The following LNX1 variants were observed in gnomAD, a reference collection of about 807,000 sequenced individuals.
The protein encoded by LNX1 is E3 ubiquitin-protein ligase LNX.
LNX1 carries 54 observed loss-of-function variants against 68.4 expected under a neutral mutation model. That is an observed-to-expected ratio of 0.79 (90% CI 0.63 to 0.99). The LOEUF (loss-of-function observed/expected upper bound fraction) is 0.99. Among genes scored for constraint, LNX1 ranks in the 50% least tolerant of loss-of-function variants. The pLI, the probability that LNX1 is intolerant of heterozygous loss-of-function variation, is 0.00. For synonymous variants in LNX1, 336 were observed against 350.0 expected (o/e 0.96, Z 0.45); for missense variants, 906 against 926.4 (o/e 0.98, Z 0.29).
chr4:53,514,243 T>C (rs954988094), intron 2 of LNX1, among the ~76,000 whole-genome samples: 20 of 152,242 alleles, frequency 1.3e-4, no homozygotes, highest in African/African-American at 4.1e-4. Flanking sequence ...CCAAAGACAA[T>C]GACTGGCATA....
chr4:53,466,031 T>C (rs184335894), intron 9 of LNX1, among the ~76,000 whole-genome samples: 1 of 152,336 alleles, frequency 6.6e-6, no homozygotes, highest in Non-Finnish European at 1.5e-5. Flanking sequence ...GTAAGAGGCA[T>C]TTATGATTCC....
chr4:53,553,520 C>T (rs1729663713), intron 2 of LNX1, among the ~76,000 whole-genome samples: 1 of 152,176 alleles, frequency 6.6e-6, no homozygotes, highest in Non-Finnish European at 1.5e-5. Flanking sequence ...CAAGTCTCTC[C>T]ACATGCAGGG....
intron 2 of LNX1, among the ~76,000 whole-genome samples, chr4:53,513,124 A>T (rs925570629): frequency 9.9e-5 from 15 of 151,878 alleles, no homozygotes; most frequent in African/African-American, 3.4e-4. Flanking sequence ...TTAACTCAAA[A>T]ACCGCCCAGG....
At chr4:53,498,397 A>G (rs1368608954) in intron 5 of LNX1, among the ~76,000 whole-genome samples, 1 of 152,200 alleles carries the variant, frequency 6.6e-6, no homozygotes, top group African/African-American at 2.4e-5. Flanking sequence ...AGACAAAATG[A>G]TATAGAGACA....
intron 2 of LNX1, among the ~76,000 whole-genome samples, chr4:53,597,985 A>C (rs1732829667): frequency 6.6e-6 from 1 of 152,162 alleles, no homozygotes. Context: ...CCTGGCAAAA[A>C]AATCCCATGA....
At chr4:53,597,862 C>T (rs1315689169) in intron 2 of LNX1, among the ~76,000 whole-genome samples, 2 of 152,212 alleles carry the variant, frequency 1.3e-5, no homozygotes, top group East Asian at 1.9e-4. Context: ...ACTCCCCAAA[C>T]CTGACTGTCT....
intron 2 of LNX1, among the ~76,000 whole-genome samples, chr4:53,555,025 CTG>C (rs1729804906): frequency 6.6e-6 from 1 of 152,082 alleles, no homozygotes; most frequent in Non-Finnish European, 1.5e-5. Context: ...CCAGGAGGGT[CTG>C]TGCATCTGGA....
intron 1 of LNX1, among the ~76,000 whole-genome samples, chr4:53,590,079 C>G (rs1397448816): frequency 3.3e-5 from 5 of 151,590 alleles, no homozygotes; most frequent in Admixed American, 6.6e-5. Flanking sequence ...GGCCAAACCC[C>G]CCCCCTTAAA....
At chr4:53,488,225 TAGCACTAATTTG>T (rs1724448748) in intron 6 of LNX1, among the ~76,000 whole-genome samples, 2 of 152,238 alleles carry the variant, frequency 1.3e-5, no homozygotes, top group Admixed American at 1.3e-4. Context: ...CATTTTTAGA[TAGCACTAATTTG>T]AATGTTTGTC....
chr4:53,639,907 C>A (rs1734614339), intron 1 of LNX1, among the ~76,000 whole-genome samples: 1 of 152,260 alleles, frequency 6.6e-6, no homozygotes, highest in African/African-American at 2.4e-5. Flanking sequence ...TTGGCGCATG[C>A]CTATAATCCC....
At chr4:53,595,237 TGTGTGTGGTGG>T (rs1732697548), upstream of LNX1, among the ~76,000 whole-genome samples, 7 of 151,834 alleles carry the variant, frequency 4.6e-5, no homozygotes, top group Admixed American at 4.6e-4. Context: ...GGGAGGAACA[TGTGTGTGGTGG>T]GGGAGAAGAG....
At chr4:53,487,129 C>T (rs1317647334) in intron 6 of LNX1, among the ~76,000 whole-genome samples, 1 of 151,584 alleles carries the variant, frequency 6.6e-6, no homozygotes, top group Admixed American at 6.6e-5. Flanking sequence ...TTGCAACTTC[C>T]CAGAGCAGAG....
chr4:53,576,127 G>C, intron 1 of LNX1: 1 of 1,559,210 alleles, frequency 6.4e-7, no homozygotes. Flanking sequence ...GCCCCTCCTT[G>C]ATTCTGTGGC....
intron 1 of LNX1, among the ~76,000 whole-genome samples, chr4:53,633,213 G>T (rs1248547253): frequency 6.6e-6 from 1 of 152,162 alleles, no homozygotes; most frequent in Non-Finnish European, 1.5e-5. Flanking sequence ...ATGAGAAAAT[G>T]GATGTGAAAA....
At chr4:53,529,312 C>T (rs1727858966) in intron 2 of LNX1, among the ~76,000 whole-genome samples, 1 of 152,104 alleles carries the variant, frequency 6.6e-6, no homozygotes, top group Non-Finnish European at 1.5e-5. Context: ...TGCCTGGGAG[C>T]AGGCAGTGGG....
At chr4:53,476,062 C>T (rs556128602) in intron 9 of LNX1, among the ~76,000 whole-genome samples, 7 of 152,182 alleles carry the variant, frequency 4.6e-5, no homozygotes, top group South Asian at 2.1e-4. Flanking sequence ...TTTGCCAGGC[C>T]GAGGCAGGCA....
Position 53,496,142 on chromosome 4 carries a change from C to T in LNX1, c.1231G>A (p.Val411Met), listed in dbSNP as rs746987088. 4.3e-6 allele frequency: 7 copies of T among 1,614,178 alleles called. No homozygotes were observed. In the South Asian group the frequency reaches 7.7e-5, roughly 18 times the overall value. ...VDEPGVFIFN[V>M]LDGGVAYRHG... ...CGATATGCCACACCGCCATCCAGCA[C>T]ATTGAAGATGAAAACCCCAGGCTCA... The change falls in exon 6 of 11, where the codon GTG (valine) becomes ATG (methionine). Residue 411 changes from valine to methionine, a missense_variant. Coordinates refer to ENST00000263925, the MANE Select transcript of LNX1 (RefSeq NM_001126328.3).
intron 2 of LNX1, among the ~76,000 whole-genome samples, chr4:53,561,304 T>C (rs1730268910): frequency 6.6e-6 from 1 of 152,164 alleles, no homozygotes; most frequent in Non-Finnish European, 1.5e-5. Flanking sequence ...CTTGACTCAT[T>C]GCAACCTCCG....
intron 6 of LNX1, among the ~76,000 whole-genome samples, chr4:53,486,943 C>T (rs895863515): frequency 1.1e-4 from 17 of 151,146 alleles, no homozygotes; most frequent in Non-Finnish European, 1.8e-4. Flanking sequence ...TATATGTACC[C>T]ATCTTTAAAT....
Sources: gnomAD v4.1 joint callset for allele counts (sites outside exome capture counted in the v4.1 genomes callset) on GRCh38, gnomAD v4.1.1 for gene constraint, MANE v1.5 for transcripts, NCBI Gene and HGNC (gene_info 2026-07-23, HGNC 2026-07-21) for gene names.